ZSWIM2: variants seen among roughly 807,000 people sequenced by gnomAD.
ZSWIM2 encodes the protein zinc finger SWIM-type containing 2.
A neutral mutation model predicts 48.4 loss-of-function variants in ZSWIM2; 38 were observed. That is an observed-to-expected ratio of 0.79 (90% CI 0.61 to 1.03). The LOEUF is 1.03. Ranked by LOEUF, ZSWIM2 falls within the 50% of genes least tolerant of loss-of-function variation. ZSWIM2 has a pLI of 0.00. For missense variants in ZSWIM2, 776 were observed against 730.2 expected, an observed-to-expected ratio of 1.06 and a Z score of -0.72; for synonymous variants, 240 against 251.3, an observed-to-expected ratio of 0.96 and a Z score of 0.42.
chr2:186,844,882 A>C, intron 2 of ZSWIM2, 125 bp from the exon 3 acceptor site: 2 of 819,164 alleles, frequency 2.4e-6, no homozygotes, highest in South Asian at 5.3e-5. Flanking sequence ...GTTATGAATA[A>C]ACTTAAAAAT....
intron 3 of ZSWIM2, among the ~76,000 whole-genome samples, chr2:186,839,790 A>G (rs1037254628): frequency 4.0e-5 from 6 of 151,268 alleles, no homozygotes; most frequent in Admixed American, 3.3e-4. Flanking sequence ...TGAATTCTGT[A>G]TTTTCTCTAT....
chr2:186,836,621 A>C (rs186705354), intron 5 of ZSWIM2, among the ~76,000 whole-genome samples: 2 of 152,264 alleles, frequency 1.3e-5, no homozygotes, highest in Admixed American at 1.3e-4. Context: ...AAAAAATGTG[A>C]CAAAGATTGA....
In ZSWIM2 at chr2:186,827,979, C is replaced by T. The variant is rs1210422912; in HGVS notation, c.*5G>A. 3.9e-6 allele frequency: 6 copies of T among 1,538,168 alleles called. No individual in the cohort carries two copies. The highest frequency in any genetic ancestry group is 4.5e-5 in the East Asian group (2 of 44,170). Reference sequence around the variant, plus strand: ...CATTCAAATATTTTCAGATAGTAAACTTTTTCACAATTGAACTCCTTCTAT... The same window carrying T: ...CATTCAAATATTTTCAGATAGTAAATTTTTTCACAATTGAACTCCTTCTAT... On this transcript the variant is annotated 3_prime_UTR_variant, in exon 9 of 9. Transcript: ENST00000295131.
At chr2:186,843,753 C>A (rs1318184954) in intron 3 of ZSWIM2, among the ~76,000 whole-genome samples, 1 of 151,500 alleles carries the variant, frequency 6.6e-6, no homozygotes, top group Non-Finnish European at 1.5e-5. Context: ...TACTGGTCTG[C>A]TGCTAAGATT....
intron 4 of ZSWIM2, among the ~76,000 whole-genome samples, chr2:186,838,527 G>A (rs1329313194): frequency 1.3e-5 from 2 of 149,648 alleles, no homozygotes; most frequent in Non-Finnish European, 3.0e-5. Flanking sequence ...TAAAAACACA[G>A]AAATTACTCT....
Position 186,833,049 on chromosome 2 carries a change from A to T in ZSWIM2, c.941+71T>A, listed in dbSNP as rs60628990. On this transcript the variant is annotated intron_variant, in intron 7 of 8. Transcript: ENST00000295131. ...AATAATAAATAAAAGAATAAATAAA[A>T]CTTATTCAAATTGAGAAGTTATTCA... 2.8e-3 allele frequency: 1,837 copies of T among 645,856 alleles called. 27 individuals are homozygous for T. In the African/African-American group the frequency reaches 0.033, roughly 12 times the overall value. The allele number at this position is 645,856 out of a possible 1,614,324, so 40.0% of individuals were successfully genotyped here. A position where few individuals can be genotyped will look rare whatever the true frequency, so the allele number is the denominator to read the frequency against.
intron 7 of ZSWIM2, among the ~76,000 whole-genome samples, chr2:186,830,526 T>G (rs1208982524): frequency 6.6e-6 from 1 of 152,132 alleles, no homozygotes; most frequent in Non-Finnish European, 1.5e-5. Flanking sequence ...ATTAGGCAAG[T>G]GTTTAGAAAA....
chr2:186,846,810 C>CATATATATATATATATATATATATAT lies in ZSWIM2; in HGVS notation c.242+908_242+909insATATATATATATATATATATATATAT, dbSNP rs36111849. On this transcript the variant is annotated intron_variant, in intron 2 of 8. Transcript: ENST00000295131. The stretch of plus-strand genomic sequence containing the variant: ...ACATATATATATACACACACACACA[C>CATATATATATATATATATATATATAT]ATATATATATATATATAATGTAATA... 6.2e-3 allele frequency among the ~76,000 whole-genome samples: 890 copies of CATATATATATATATATATATATATAT among 143,544 alleles called. 4 individuals are homozygous for CATATATATATATATATATATATATAT. The highest frequency in any genetic ancestry group is 8.9e-3 in the African/African-American group (324 of 36,320). 94.2% of individuals were successfully genotyped at this position (143,544 alleles called of 152,430 possible).
chr2:186,845,739 T>C (rs1308007561), intron 2 of ZSWIM2, among the ~76,000 whole-genome samples: 3 of 151,552 alleles, frequency 2.0e-5, no homozygotes, highest in Non-Finnish European at 3.0e-5. Context: ...TAAGGAACTT[T>C]TTTTTCATTT....
In ZSWIM2 at chr2:186,831,322, G is replaced by A. The variant is rs535195757; in HGVS notation, c.942-1442C>T. 1.4e-3 allele frequency among the ~76,000 whole-genome samples: 210 copies of A among 148,922 alleles called. 1 individual carries two copies. The highest frequency in any genetic ancestry group is 5.2e-3 in the African/African-American group (201 of 38,910). ...TGGGCTATATATCAACTGAAGTCTG[G>A]ATACAAACTTACATATACATGTGTA... On this transcript the variant is annotated intron_variant, in intron 7 of 8. Coordinates refer to ENST00000295131, the MANE Select transcript of ZSWIM2 (RefSeq NM_182521.3).
chr2:186,831,599 A>G (rs1168062560), intron 7 of ZSWIM2, among the ~76,000 whole-genome samples: 1 of 151,952 alleles, frequency 6.6e-6, no homozygotes, highest in African/African-American at 2.4e-5. Flanking sequence ...GGCACTATTC[A>G]CAATAGCAAA....
chr2:186,834,686 C>T (rs895621126), intron 5 of ZSWIM2, among the ~76,000 whole-genome samples: 3 of 152,236 alleles, frequency 2.0e-5, no homozygotes, highest in Middle Eastern at 3.4e-3. Flanking sequence ...GTTCTAGAGA[C>T]TGCCTACATT....
At chr2:186,846,078 G>A (rs1392943076) in intron 2 of ZSWIM2, among the ~76,000 whole-genome samples, 2 of 151,746 alleles carry the variant, frequency 1.3e-5, no homozygotes, top group African/African-American at 4.8e-5. Flanking sequence ...CCTGGGCAAA[G>A]AATTTATGAT....
intron 7 of ZSWIM2, 84 bp from the exon 8 acceptor site, chr2:186,829,964 A>G (rs1473977540): frequency 2.2e-6 from 3 of 1,379,100 alleles, no homozygotes; most frequent in Admixed American, 4.3e-5. Flanking sequence ...AATAGTCTCT[A>G]TATAAATAAT....
Position 186,828,048 on chromosome 2 carries a change from A to G in ZSWIM2, c.1838T>C (p.Val613Ala), listed in dbSNP as rs150736517. ...ACTTTTTGTATTTACAGAGTGAGAC[A>G]CAGGCTGTCTTGATAGATGACTACA... ...RKCSHLSRQP[V>A]SHSVNTKSTE... is the part of the protein sequence containing the mutation. Residue 613 changes from valine (V) to alanine (A), a missense_variant, in exon 9 of 9, where the codon GTG becomes GCG. Coordinates refer to ENST00000295131, the MANE Select transcript of ZSWIM2 (RefSeq NM_182521.3). The G allele has an allele frequency of 7.4e-6, 12 of 1,613,134 alleles. No homozygotes were observed. The African/African-American group carries it at 1.5e-4, about 20-fold the overall frequency.
In ZSWIM2 at chr2:186,828,263, T is replaced by A. The variant is rs754195456; in HGVS notation, c.1623A>T (p.Leu541=). 2.5e-6 allele frequency: 4 copies of A among 1,613,744 alleles called. No homozygotes were observed. Among genetic ancestry groups the A allele is most frequent in the Middle Eastern group, 1.7e-4 (1 of 6,058 alleles). Residue 541 remains leucine (L), a synonymous_variant, in exon 9 of 9, where the codon CTA becomes CTT. Transcript: ENST00000295131. ...PCISGKFHTS[L]SRMTKGCKCN... is the part of the protein sequence containing the mutation. ...ATTTACAGCCTTTGGTCATCCGGCT[T>A]AGACTAGTGTGAAATTTTCCACTGA...
chr2:186,839,088 C>A lies in ZSWIM2; in HGVS notation c.365G>T (p.Gly122Val). 1 of 1,611,758 alleles carries A rather than the reference C, an allele frequency of 6.2e-7. No individual in the cohort carries two copies. Among genetic ancestry groups the A allele is most frequent in the Non-Finnish European group, 8.5e-7 (1 of 1,178,462 alleles). ...GIHRVQTPQP[G>V]TNDENEHVEE... The stretch of plus-strand genomic sequence containing the variant: ...AACATGTTCATTTTCGTCATTTGTT[C>A]CTGGTTGGGGAGTTTGAACTCGATG... The change falls in exon 4 of 9, where the codon GGA (glycine) becomes GTA (valine). Residue 122 changes from glycine (G) to valine (V), a missense_variant. Transcript: ENST00000295131.
Position 186,837,515 on chromosome 2 carries a change from C to A in ZSWIM2, c.534G>T (p.Lys178Asn). ...ATGTACTCTGATAATTAGCTAAGAT[C>A]TTCATGCATTTTATATGAATACTAT... Reference protein sequence around the residue: ...CGNSIHIKCMKILANYQSTSN... With the variant: ...CGNSIHIKCMNILANYQSTSN... The change falls in exon 5 of 9, where the codon AAG becomes AAT. Residue 178 changes from lysine (K) to asparagine (N), a missense_variant. By Grantham distance (94) the Lys-to-Asn change is moderately conservative. Transcript: ENST00000295131. 1 of 1,611,208 alleles carries A rather than the reference C, an allele frequency of 6.2e-7. No homozygotes were observed. The highest frequency in any genetic ancestry group is 8.5e-7 in the Non-Finnish European group (1 of 1,178,418).
intron 7 of ZSWIM2, 66 bp downstream of exon 7, chr2:186,833,054 T>A (rs1691731208): frequency 1.5e-6 from 1 of 673,298 alleles, no homozygotes; most frequent in African/African-American, 1.9e-5. Context: ...ATAAAACTTA[T>A]TCAAATTGAG....
Sources: gnomAD v4.1 joint callset for allele counts (sites outside exome capture counted in the v4.1 genomes callset) on GRCh38, gnomAD v4.1.1 for gene constraint, MANE v1.5 for transcripts, NCBI Gene and HGNC (gene_info 2026-07-23, HGNC 2026-07-21) for gene names.